Variants in SETD2 observed in about 807,000 individuals in gnomAD.
The protein encoded by SETD2 is histone-lysine N-methyltransferase SETD2.
SETD2 carries 31 observed loss-of-function variants against 242.1 expected under a neutral mutation model. The ratio of observed to expected loss-of-function variants is 0.13; its 90% CI spans 0.10 to 0.17. The LOEUF is 0.17. Among genes scored for constraint, SETD2 ranks in the 10% least tolerant of loss-of-function variants. The pLI, the probability that SETD2 is intolerant of heterozygous loss-of-function variation, is 1.00. For missense variants in SETD2, 2,481 were observed against 3,046.3 expected (o/e 0.81, Z 4.37); for synonymous variants, 1,006 against 1,066.5 (o/e 0.94, Z 1.11).
chr3:47,134,564 T>C (rs907784870), intron 1 of SETD2, among the ~76,000 whole-genome samples: 2 of 152,044 alleles, frequency 1.3e-5, no homozygotes, highest in African/African-American at 2.4e-5. Context: ...GCTGGGCTTA[T>C]GGCAAATGTG....
At chr3:47,159,030 CT>C (rs1448884778) in intron 1 of SETD2, among the ~76,000 whole-genome samples, 1 of 152,076 alleles carries the variant, frequency 6.6e-6, no homozygotes, top group Non-Finnish European at 1.5e-5. Context: ...ATAGTTCCAG[CT>C]ACTCAGGAGG....
At chr3:47,055,937 C>T (rs1193197121) in intron 15 of SETD2, among the ~76,000 whole-genome samples, 1 of 132,478 alleles carries the variant, frequency 7.5e-6, no homozygotes, top group African/African-American at 2.9e-5. Context: ...GGCGTGAACC[C>T]GGGAGGCGGA....
At chr3:47,082,575 G>A (rs1037435405) in intron 12 of SETD2, among the ~76,000 whole-genome samples, 3 of 152,096 alleles carry the variant, frequency 2.0e-5, no homozygotes, top group Admixed American at 6.6e-5. Flanking sequence ...AATTTACTAC[G>A]AACTCTTCCT....
At chr3:47,088,916 A>C (rs2041679300) in intron 9 of SETD2, among the ~76,000 whole-genome samples, 1 of 152,298 alleles carries the variant, frequency 6.6e-6, no homozygotes, top group Admixed American at 6.5e-5. Flanking sequence ...AATAGCAAAA[A>C]ATTGCCAACA....
intron 3 of SETD2, 36 bp downstream of exon 3, chr3:47,120,146 G>A (rs2107738458): frequency 6.9e-7 from 1 of 1,439,966 alleles, no homozygotes; most frequent in Non-Finnish European, 9.4e-7. Flanking sequence ...CAAAAAAAGA[G>A]TTAAAATTTG....
In SETD2 at chr3:47,114,019, G is replaced by C. The variant is rs2042758394; in HGVS notation, c.4587-15C>G. 6.3e-7 allele frequency: 1 copy of C among 1,590,550 alleles called. No homozygotes were observed. Among genetic ancestry groups the C allele is most frequent in the Non-Finnish European group, 8.5e-7 (1 of 1,173,274 alleles). On this transcript the variant is annotated splice_polypyrimidine_tract_variant and intron_variant, in intron 4 of 20. Coordinates refer to ENST00000409792, the MANE Select transcript of SETD2 (RefSeq NM_014159.7). Reference sequence around the variant, plus strand: ...ACCGAGAAGAACTGAAATGAGAAAAGGAGGAAATTTAATTCTTTAAAGCAG... The same window carrying C: ...ACCGAGAAGAACTGAAATGAGAAAACGAGGAAATTTAATTCTTTAAAGCAG...
At chr3:47,076,244 A>AT (rs1677304215) in intron 12 of SETD2, among the ~76,000 whole-genome samples, 1 of 152,230 alleles carries the variant, frequency 6.6e-6, no homozygotes, top group South Asian at 2.1e-4. Context: ...ATGTGTGTGA[A>AT]TATTAGCAGC....
intron 3 of SETD2, chr3:47,119,530 T>G (rs2107736713): frequency 5.7e-6 from 1 of 175,182 alleles, no homozygotes; most frequent in Non-Finnish European, 1.2e-5. Flanking sequence ...CTTTCTCGTG[T>G]TATTCTTGTG....
chr3:47,045,779 ATTT>A (rs199527736), intron 16 of SETD2, among the ~76,000 whole-genome samples: 1 of 137,508 alleles, frequency 7.3e-6, no homozygotes, highest in Non-Finnish European at 1.6e-5. Context: ...TCCTAGGAGC[ATTT>A]TTTTTTTTTT....
At chr3:47,059,825 C>A (rs1345107998) in intron 14 of SETD2, among the ~76,000 whole-genome samples, 1 of 152,064 alleles carries the variant, frequency 6.6e-6, no homozygotes, top group African/African-American at 2.4e-5. Context: ...TTCTCTGTCA[C>A]CCAGGCTGGA....
chr3:47,113,799 A>G (rs2042749387), intron 5 of SETD2, 77 bp downstream of exon 5: 2 of 1,442,844 alleles, frequency 1.4e-6, no homozygotes, highest in Non-Finnish European at 1.9e-6. Context: ...AGATCGTGCC[A>G]CTGCACTCCA....
At position 47,123,190 on chromosome 3, in the gene SETD2, G is replaced by A. The variant is rs919469632; in HGVS notation, c.1446C>T (p.Asp482=). 1 of 1,594,052 alleles carries A rather than the reference G, an allele frequency of 6.3e-7. No homozygotes were observed. The highest frequency in any genetic ancestry group is 8.6e-7 in the Non-Finnish European group (1 of 1,168,462). The stretch of plus-strand genomic sequence containing the variant: ...ATTTAGAATAGGATGATGTCCTTAG[G>A]TCTCTGTAAGAAGAGGAATGAGATG... The part of the protein sequence containing the change: ...RTSSHSSSYR[D]LRTSSYSKSD... Residue 482 remains aspartate, a synonymous_variant, in exon 3 of 21, where the codon GAC becomes GAT. Transcript: ENST00000409792.
chr3:47,051,313 C>T (rs2039835527), intron 15 of SETD2, among the ~76,000 whole-genome samples: 1 of 152,032 alleles, frequency 6.6e-6, no homozygotes, highest in Admixed American at 6.6e-5. Context: ...CCATGTTAAC[C>T]AAGCTGATCT....
chr3:47,119,586 T>C, intron 3 of SETD2: 1 of 268,268 alleles, frequency 3.7e-6, no homozygotes, highest in Non-Finnish European at 7.4e-6. Flanking sequence ...TCAAGGGTTT[T>C]CACTTTTGCT....
intron 15 of SETD2, among the ~76,000 whole-genome samples, chr3:47,055,611 T>C (rs1410402531): frequency 6.6e-6 from 1 of 152,030 alleles, no homozygotes; most frequent in Non-Finnish European, 1.5e-5. Context: ...GAAGATCACT[T>C]GAGCCCAGGA....
chr3:47,049,572 C>T (rs546817528), intron 15 of SETD2, among the ~76,000 whole-genome samples: 3 of 146,792 alleles, frequency 2.0e-5, no homozygotes, highest in African/African-American at 7.4e-5. Flanking sequence ...TGGGGTTTCA[C>T]CTTGTTAGCC....
chr3:47,097,687 A>T (rs2042061680), intron 9 of SETD2, among the ~76,000 whole-genome samples: 1 of 152,242 alleles, frequency 6.6e-6, no homozygotes, highest in South Asian at 2.1e-4. Flanking sequence ...GAGAAAAGAT[A>T]TGTTTTACTT....
intron 1 of SETD2, chr3:47,145,439 G>A: frequency 8.6e-6 from 3 of 349,384 alleles, no homozygotes; most frequent in South Asian, 4.5e-5. Context: ...TGCCCAGGCT[G>A]GAGCAAGTAC....
chr3:47,052,131 T>C (rs895787107), intron 15 of SETD2, among the ~76,000 whole-genome samples: 5 of 152,186 alleles, frequency 3.3e-5, no homozygotes, highest in African/African-American at 1.2e-4. Flanking sequence ...ATGTGACTTT[T>C]CTATTTGCTA....
Sources: gnomAD v4.1 joint callset for allele counts (sites outside exome capture counted in the v4.1 genomes callset) on GRCh38, gnomAD v4.1.1 for gene constraint, MANE v1.5 for transcripts, NCBI Gene and HGNC (gene_info 2026-07-23, HGNC 2026-07-21) for gene names.